SYN3: variants seen among roughly 807,000 people sequenced by gnomAD.
The protein encoded by SYN3 is synapsin III, also known as synapsin-3.
SYN3 carries 35 observed loss-of-function variants against 65.8 expected under a neutral mutation model. The ratio of observed to expected loss-of-function variants is 0.53; its 90% CI spans 0.41 to 0.70. The LOEUF (loss-of-function observed/expected upper bound fraction) is 0.70, where lower values mean the gene tolerates loss of function less well. Among genes scored for constraint, SYN3 ranks in the 30% least tolerant of loss-of-function variants. SYN3 has a pLI of 0.00. For missense variants in SYN3, 680 were observed against 749.0 expected (o/e 0.91, Z 1.08); for synonymous variants, 270 against 292.9 (o/e 0.92, Z 0.80).
intron 6 of SYN3, among the ~76,000 whole-genome samples, chr22:32,605,368 G>A (rs10483164): frequency 0.015 from 2,340 of 152,248 alleles, 137 homozygotes; most frequent in Admixed American, 0.088. Context: ...TGGCTACCAG[G>A]CAGCCGTCGA....
At chr22:32,666,071 C>T (rs887015253) in intron 6 of SYN3, among the ~76,000 whole-genome samples, 1 of 152,162 alleles carries the variant, frequency 6.6e-6, no homozygotes, top group Non-Finnish European at 1.5e-5. Context: ...TCATCTTTCA[C>T]ACCTCACACC....
rs1569124652 is a variant in SYN3, at chr22:32,650,240, TCCCTCCCTCC to T, written c.712-53514_712-53505del. Among the ~76,000 whole-genome samples, 571 of 72,892 alleles carry T rather than the reference TCCCTCCCTCC, an allele frequency of 7.8e-3. 12 individuals carry two copies. The highest frequency in any genetic ancestry group is 0.035 in the African/African-American group (443 of 12,668). The allele number at this position is 72,892 out of a possible 152,430, so 47.8% of individuals were successfully genotyped here. A position where few individuals can be genotyped will look rare whatever the true frequency, so the allele number is the denominator to read the frequency against. On this transcript the variant is annotated intron_variant, in intron 6 of 13. Coordinates refer to ENST00000358763, the MANE Select transcript of SYN3 (RefSeq NM_003490.4). ...TTCTCTCTCTCTCTCTCTCCCTCCC[TCCCTCCCTCC>T]CTCCCTCCCTCTCTCTCTCTCTCTC...
intron 6 of SYN3, among the ~76,000 whole-genome samples, chr22:32,630,280 C>A (rs1304786263): frequency 6.6e-6 from 1 of 152,086 alleles, no homozygotes; most frequent in Non-Finnish European, 1.5e-5. Context: ...CCACACCCGG[C>A]CGTATGTATG....
chr22:32,847,467 G>T (rs1310277131), intron 6 of SYN3, among the ~76,000 whole-genome samples: 2 of 152,196 alleles, frequency 1.3e-5, no homozygotes, highest in Non-Finnish European at 1.5e-5. Flanking sequence ...GCCATCGCCG[G>T]CAGGGAAGGT....
At chr22:32,967,775 C>T (rs906905805) in intron 3 of SYN3, among the ~76,000 whole-genome samples, 1 of 152,240 alleles carries the variant, frequency 6.6e-6, no homozygotes, top group African/African-American at 2.4e-5. Context: ...TGTGTAAGCA[C>T]ATCCGGGCAG....
chr22:32,579,991 A>G (rs1309994344), intron 7 of SYN3, among the ~76,000 whole-genome samples: 1 of 152,258 alleles, frequency 6.6e-6, no homozygotes, highest in Non-Finnish European at 1.5e-5. Flanking sequence ...GTCAGCCTTG[A>G]AAGGCAACAC....
At chr22:33,018,286 A>G (rs1034539551) in intron 1 of SYN3, among the ~76,000 whole-genome samples, 5 of 152,172 alleles carry the variant, frequency 3.3e-5, no homozygotes, top group African/African-American at 9.7e-5. Context: ...TATCGCTCCA[A>G]TGCCAAACTT....
intron 3 of SYN3, among the ~76,000 whole-genome samples, chr22:32,951,211 G>C (rs1221291096): frequency 6.6e-6 from 1 of 152,048 alleles, no homozygotes; most frequent in East Asian, 1.9e-4. Context: ...GTTCCGACTT[G>C]CTCAGCCATT....
At chr22:32,936,905 A>C (rs2050791406) in intron 3 of SYN3, among the ~76,000 whole-genome samples, 1 of 152,226 alleles carries the variant, frequency 6.6e-6, no homozygotes, top group Non-Finnish European at 1.5e-5. Flanking sequence ...TAGAATAATC[A>C]ATCACTCCAT....
Position 32,711,868 on chromosome 22 carries a change from G to C in SYN3, c.712-115132C>G, listed in dbSNP as rs1738814779. ...TTCCAGGAGTTGGTCTGTGGGCCAG[G>C]GGCAGGTGGAGAACGAGGTACAGGG... is the stretch of plus-strand genomic sequence containing the variant. On this transcript the variant is annotated intron_variant, in intron 6 of 13. Coordinates refer to ENST00000358763, the MANE Select transcript of SYN3 (RefSeq NM_003490.4). Among the ~76,000 whole-genome samples the C allele has an allele frequency of 5.3e-5, 8 of 152,280 alleles. No individual in the cohort carries two copies. The South Asian group carries it at 1.7e-3, about 32-fold the overall frequency.
At chr22:32,786,508 G>A (rs2046197595) in intron 6 of SYN3, among the ~76,000 whole-genome samples, 1 of 151,882 alleles carries the variant, frequency 6.6e-6, no homozygotes, top group African/African-American at 2.4e-5. Context: ...GACTACAGGT[G>A]CCCGCCACCA....
chr22:32,955,195 G>A (rs1308347167), intron 3 of SYN3, among the ~76,000 whole-genome samples: 2 of 152,056 alleles, frequency 1.3e-5, no homozygotes, highest in African/African-American at 4.8e-5. Flanking sequence ...CAAGAATACG[G>A]CCACCTTTGA....
At chr22:32,723,491 C>T (rs2061147851) in intron 6 of SYN3, among the ~76,000 whole-genome samples, 1 of 152,122 alleles carries the variant, frequency 6.6e-6, no homozygotes, top group African/African-American at 2.4e-5. Context: ...GAAACTGAGG[C>T]CCAGATAAGG....
At chr22:32,526,228 T>C (rs2146122755) in intron 12 of SYN3, among the ~76,000 whole-genome samples, 1 of 152,316 alleles carries the variant, frequency 6.6e-6, no homozygotes, top group East Asian at 1.9e-4. Context: ...ACTGGGGTGG[T>C]CTTGAACCGA....
chr22:32,580,158 C>T (rs912546353), intron 7 of SYN3, among the ~76,000 whole-genome samples: 8 of 152,238 alleles, frequency 5.3e-5, no homozygotes, highest in African/African-American at 1.9e-4. Context: ...GATGGCCAGG[C>T]TCAGAGTTGA....
At chr22:32,809,917 C>T (rs963373470) in intron 6 of SYN3, among the ~76,000 whole-genome samples, 1 of 152,188 alleles carries the variant, frequency 6.6e-6, no homozygotes, top group Non-Finnish European at 1.5e-5. Flanking sequence ...GTGGGCAGGT[C>T]CCATGCATTT....
chr22:32,530,381 G>A (rs2058048735), intron 10 of SYN3, among the ~76,000 whole-genome samples: 1 of 152,158 alleles, frequency 6.6e-6, no homozygotes, highest in Non-Finnish European at 1.5e-5. Flanking sequence ...AGGAAGCAGA[G>A]GGTCAAAGAA....
At chr22:32,957,626 C>G (rs952094717) in intron 3 of SYN3, among the ~76,000 whole-genome samples, 3 of 152,210 alleles carry the variant, frequency 2.0e-5, no homozygotes, top group African/African-American at 7.2e-5. Context: ...GCTAATTTCT[C>G]TTCCCGAGGT....
At chr22:32,925,549 A>G (rs2050445686) in intron 4 of SYN3, among the ~76,000 whole-genome samples, 1 of 152,208 alleles carries the variant, frequency 6.6e-6, no homozygotes, top group Non-Finnish European at 1.5e-5. Context: ...AGAATATGGC[A>G]GGTCTAGAAT....
Sources: gnomAD v4.1 joint callset for allele counts (sites outside exome capture counted in the v4.1 genomes callset) on GRCh38, gnomAD v4.1.1 for gene constraint, MANE v1.5 for transcripts, NCBI Gene and HGNC (gene_info 2026-07-23, HGNC 2026-07-21) for gene names.